NUGGC: variants seen among roughly 807,000 people sequenced by gnomAD.
NUGGC encodes the protein nuclear GTPase SLIP-GC.
A neutral mutation model predicts 92.6 loss-of-function variants in NUGGC; 58 were observed. The observed-to-expected ratio is 0.63, with a 90% CI of 0.51 to 0.78. The LOEUF (loss-of-function observed/expected upper bound fraction) is 0.78, where lower values mean the gene tolerates loss of function less well. Among genes scored for constraint, NUGGC ranks in the 30% least tolerant of loss-of-function variants. The pLI is 0.00. For missense variants in NUGGC, 925 were observed against 964.6 expected (o/e 0.96, Z 0.54); for synonymous variants, 376 against 366.4 (o/e 1.03, Z -0.30).
chr8:28,060,654 T>C, intron 7 of NUGGC, 53 bp from the exon 8 acceptor site: 9 of 1,532,806 alleles, frequency 5.9e-6, no homozygotes, highest in Non-Finnish European at 8.0e-6. Flanking sequence ...TCACAGTTCC[T>C]GAGGACCGGT....
intron 13 of NUGGC, among the ~76,000 whole-genome samples, chr8:28,037,694 C>T (rs992604707): frequency 1.1e-4 from 16 of 152,186 alleles, no homozygotes; most frequent in African/African-American, 3.6e-4. Context: ...ATGTGACCCA[C>T]TTAGAGCCAA....
In NUGGC at chr8:28,067,678, C is replaced by T. The variant is rs1475777988; in HGVS notation, c.547G>A (p.Glu183Lys). ...LHRTEELSRE[E>K]ADAWNRDEAV... ...TCATCCCTGTTCCACGCATCTGCCT[C>T]TTCTCTGCTCAGCTCCTCCGTCCTA... The change falls in exon 6 of 19, where the codon GAG becomes AAG. Residue 183 changes from glutamate to lysine, a missense_variant. By Grantham distance (56) the Glu-to-Lys change is moderately conservative. Transcript: ENST00000413272. 6.2e-7 allele frequency: 1 copy of T among 1,613,920 alleles called. No individual in the cohort carries two copies. Among genetic ancestry groups the T allele is most frequent in the Non-Finnish European group, 8.5e-7 (1 of 1,179,876 alleles).
chr8:28,072,983 G>A (rs1180719968), intron 2 of NUGGC, among the ~76,000 whole-genome samples: 1 of 149,522 alleles, frequency 6.7e-6, no homozygotes, highest in Non-Finnish European at 1.5e-5. Flanking sequence ...GCTGAGATGC[G>A]GTTTCATTGT....
At chr8:28,025,203 CCA>C (rs1444841112) in intron 18 of NUGGC, among the ~76,000 whole-genome samples, 8 of 152,224 alleles carry the variant, frequency 5.3e-5, no homozygotes. Flanking sequence ...TGTAAACTCC[CCA>C]GTCTTACAAC....
chr8:28,081,982 G>T (rs1364395492), intron 1 of NUGGC, among the ~76,000 whole-genome samples: 4 of 152,102 alleles, frequency 2.6e-5, no homozygotes, highest in African/African-American at 9.7e-5. Flanking sequence ...TGAAATGATA[G>T]AATGTTGATG....
At chr8:28,036,413 C>A (rs1371858914) in intron 13 of NUGGC, among the ~76,000 whole-genome samples, 1 of 152,054 alleles carries the variant, frequency 6.6e-6, no homozygotes, top group Non-Finnish European at 1.5e-5. Context: ...CAATCCCATT[C>A]ACTGGTATAT....
rs2130257746 is a variant in NUGGC at position 28,070,235 on chromosome 8, A to C, written c.148+17T>G. On this transcript the variant is annotated intron_variant, in intron 3 of 18. Transcript: ENST00000413272. ...CAGAACCGAACCATGTTAAAACAAC[A>C]GTTCCAAGACACTCACATTCCTTAA... 2 of 1,530,220 alleles carry C rather than the reference A, an allele frequency of 1.3e-6. No homozygotes were observed. Among genetic ancestry groups the C allele is most frequent in the Non-Finnish European group, 8.9e-7 (1 of 1,129,290 alleles). The allele number at this position is 1,530,220 out of a possible 1,614,324, so 94.8% of individuals were successfully genotyped here.
At chr8:28,073,010 T>C (rs1810627511) in intron 2 of NUGGC, among the ~76,000 whole-genome samples, 1 of 151,624 alleles carries the variant, frequency 6.6e-6, no homozygotes, top group East Asian at 1.9e-4. Flanking sequence ...TTGAAATTTT[T>C]TTTTTTTTTT....
rs570000135 is a variant in NUGGC, at chr8:28,073,089, A to G, written c.43+1279T>C. Among the ~76,000 whole-genome samples the G allele has an allele frequency of 1.1e-4, 16 of 150,630 alleles. No homozygotes were observed. In the South Asian group the frequency reaches 1.3e-3, roughly 12 times the overall value. Reference sequence around the variant, plus strand: ...TGGGTCACGGCTCACTGCAGCCTCAACCTCCGTGGCTCAAGCAATCCTCCG... The same window carrying G: ...TGGGTCACGGCTCACTGCAGCCTCAGCCTCCGTGGCTCAAGCAATCCTCCG... On this transcript the variant is annotated intron_variant, in intron 2 of 18. Transcript: ENST00000413272.
chr8:28,071,156 T>A (rs1437787392), intron 2 of NUGGC, among the ~76,000 whole-genome samples: 2 of 152,186 alleles, frequency 1.3e-5, no homozygotes, highest in Non-Finnish European at 2.9e-5. Flanking sequence ...TCTCCCCAGA[T>A]AAATAGTTTC....
At chr8:28,040,315 A>AT (rs1157049567) in intron 13 of NUGGC, among the ~76,000 whole-genome samples, 16 of 152,382 alleles carry the variant, frequency 1.0e-4, no homozygotes, top group African/African-American at 3.6e-4. Context: ...ATGCCAATTG[A>AT]GAGGTTACAA....
At chr8:28,063,558 C>T (rs529526503) in intron 7 of NUGGC, among the ~76,000 whole-genome samples, 2 of 152,220 alleles carry the variant, frequency 1.3e-5, no homozygotes, top group South Asian at 2.1e-4. Context: ...TAATATAGAG[C>T]GTGCCCTGGG....
At chr8:28,035,875 T>G (rs188965822) in intron 13 of NUGGC, among the ~76,000 whole-genome samples, 5 of 152,344 alleles carry the variant, frequency 3.3e-5, no homozygotes, top group African/African-American at 4.8e-5. Context: ...ATATTCGTCT[T>G]AACGAACTTT....
intron 14 of NUGGC, 138 bp from the exon 15 acceptor site, chr8:28,031,519 G>A (rs935145442): frequency 1.2e-6 from 1 of 829,744 alleles, no homozygotes; most frequent in Non-Finnish European, 1.9e-6. Flanking sequence ...TCCCTATAAT[G>A]TGCCAGGCAC....
intron 13 of NUGGC, among the ~76,000 whole-genome samples, chr8:28,039,649 A>T (rs189027897): frequency 8.9e-4 from 136 of 152,248 alleles, no homozygotes; most frequent in African/African-American, 3.2e-3. Context: ...CAGGAAGCCA[A>T]CCACCCCATC....
At chr8:28,039,809 G>T (rs771449380) in intron 13 of NUGGC, among the ~76,000 whole-genome samples, 1 of 152,142 alleles carries the variant, frequency 6.6e-6, no homozygotes, top group Non-Finnish European at 1.5e-5. Flanking sequence ...CCCCTTAATG[G>T]GTGCTATGGA....
intron 2 of NUGGC, 111 bp from the exon 3 acceptor site, chr8:28,070,467 T>G (rs1810560790): frequency 1.6e-6 from 1 of 607,774 alleles, no homozygotes; most frequent in African/African-American, 1.9e-5. Context: ...CTGGGTGCAG[T>G]GGCTCATGTC....
Position 28,049,088 on chromosome 8 carries a change from C to T in NUGGC, c.1207-1476G>A, listed in dbSNP as rs1409083802. ...GAGGTAGAAAGCAGTGAAGAGTTGTCAATCTCTTTCTGATGCAAAGATATA... is the reference window on the plus strand; with the variant it reads ...GAGGTAGAAAGCAGTGAAGAGTTGTTAATCTCTTTCTGATGCAAAGATATA... On this transcript the variant is annotated intron_variant, in intron 10 of 18. Coordinates refer to ENST00000413272, the MANE Select transcript of NUGGC (RefSeq NM_001010906.2). Among the ~76,000 whole-genome samples the T allele has an allele frequency of 3.9e-5, 6 of 152,064 alleles. No individual in the cohort carries two copies. In the East Asian group the frequency reaches 1.2e-3, roughly 29 times the overall value.
In NUGGC at chr8:28,047,630, C is replaced by G. The variant is rs1354860885; in HGVS notation, c.1207-18G>C. 4 of 1,455,334 alleles carry G rather than the reference C, an allele frequency of 2.7e-6. No individual in the cohort carries two copies. The South Asian group carries it at 4.9e-5, about 18-fold the overall frequency. The allele number at this position is 1,455,334 out of a possible 1,614,324, so 90.2% of individuals were successfully genotyped here. On this transcript the variant is annotated intron_variant, in intron 10 of 18. Coordinates refer to ENST00000413272, the MANE Select transcript of NUGGC (RefSeq NM_001010906.2). ...AGTTTTCTCTGAAGTGAGAGAGTCA[C>G]ACAGAAAACAGAATAACTCAAACCA...
Sources: gnomAD v4.1 joint callset for allele counts (sites outside exome capture counted in the v4.1 genomes callset) on GRCh38, gnomAD v4.1.1 for gene constraint, MANE v1.5 for transcripts, NCBI Gene and HGNC (gene_info 2026-07-23, HGNC 2026-07-21) for gene names.